NDUFS6: variants seen among roughly 807,000 people sequenced by gnomAD.
NDUFS6 encodes the protein NADH:ubiquinone oxidoreductase subunit S6, also known as NADH dehydrogenase [ubiquinone] iron-sulfur protein 6, mitochondrial.
Under a neutral mutation model 13.2 loss-of-function variants are expected in NDUFS6, and 14 were observed. The observed-to-expected ratio is 1.06, with a 90% CI of 0.70 to 1.66. The LOEUF (loss-of-function observed/expected upper bound fraction) is 1.66. Ranked by LOEUF, NDUFS6 falls within the 40% of genes most tolerant of loss-of-function variation. The pLI is 0.00. For synonymous variants in NDUFS6, 95 were observed against 72.3 expected, an observed-to-expected ratio of 1.31 and a Z score of -1.60; for missense variants, 206 against 170.8, an observed-to-expected ratio of 1.21 and a Z score of -1.15.
At chr5:1,805,319 G>A (rs376872747) in intron 2 of NDUFS6, among the ~76,000 whole-genome samples, 8 of 152,160 alleles carry the variant, frequency 5.3e-5, no homozygotes, top group African/African-American at 1.9e-4. Context: ...AACAGAGCAA[G>A]ACTCTATCTC....
Position 1,814,401 on chromosome 5 carries a change from G to A in NDUFS6, c.249G>A (p.Arg83=), listed in dbSNP as rs752239595. The A allele has an allele frequency of 5.6e-6, 9 of 1,614,056 alleles. No homozygotes were observed. Among genetic ancestry groups the A allele is most frequent in the Non-Finnish European group, 7.6e-6 (9 of 1,180,048 alleles). Residue 83 remains arginine, a synonymous_variant, in exon 3 of 4, where the codon CGG becomes CGA. Transcript: ENST00000274137. The surrounding 1 kb of genome is among the most constrained non-coding windows in gnomAD (Gnocchi z 4.9). The part of the protein sequence containing the change: ...AEQPVSEVET[R]VIACDGGGGA... Reference sequence around the variant, plus strand: ...AGCCCGTGAGCGAGGTGGAGACTCGGGTGATAGCGTGCGATGGCGGCGGGG... The same window carrying A: ...AGCCCGTGAGCGAGGTGGAGACTCGAGTGATAGCGTGCGATGGCGGCGGGG...
At chr5:1,802,918 T>TA in intron 2 of NDUFS6, among the ~76,000 whole-genome samples, 1 of 149,912 alleles carries the variant, frequency 6.7e-6, no homozygotes, top group South Asian at 2.1e-4. Context: ...ATCAGCCTAT[T>TA]TTTTTTTTTT....
chr5:1,801,682 C>T, intron 1 of NDUFS6, 133 bp downstream of exon 1: 1 of 1,358,792 alleles, frequency 7.4e-7, no homozygotes, highest in Non-Finnish European at 9.7e-7. Flanking sequence ...TGTGCTGTCG[C>T]TCACGCGCCG....
At chr5:1,803,454 T>C (rs1200418103) in intron 2 of NDUFS6, among the ~76,000 whole-genome samples, 2 of 152,164 alleles carry the variant, frequency 1.3e-5, no homozygotes, top group Non-Finnish European at 2.9e-5. Context: ...GAGAGGGGCT[T>C]GTGTCTGGTG....
rs2242412 is a variant in NDUFS6, at chr5:1,801,575, A to C, written c.132+26A>C. On this transcript the variant is annotated intron_variant, in intron 1 of 3. Transcript: ENST00000274137. ...GTAACGGCCGCTGGGTACAGGATGC[A>C]CCTTCCTCCAGCCGCACCTCGGGCG... The C allele has an allele frequency of 0.88, 1,371,877 of 1,556,270 alleles. 609,921 individuals are homozygous for C. The highest frequency in any genetic ancestry group is 0.91 in the Non-Finnish European group (1,051,700 of 1,158,090).
rs1734282254 is a variant in NDUFS6 at position 1,814,810 on chromosome 5, C to T, written c.309+349C>T. The T allele has an allele frequency of 3.1e-6, 2 of 651,034 alleles. No homozygotes were observed. The highest frequency in any genetic ancestry group is 5.5e-6 in the Non-Finnish European group (2 of 360,814). 40.3% of individuals were successfully genotyped at this position (651,034 alleles called of 1,614,324 possible). ...GGGTCGAAAACAACAAACACATTTC[C>T]CACAGCGCTGGAGGCTGCAGCCCAA... On this transcript the variant is annotated intron_variant, in intron 3 of 3. Transcript: ENST00000274137. The surrounding 1 kb of genome is among the most constrained non-coding windows in gnomAD (Gnocchi z 4.9).
chr5:1,802,157 CT>C (rs2111345961), intron 1 of NDUFS6, 163 bp from the exon 2 acceptor site: 1 of 634,256 alleles, frequency 1.6e-6, no homozygotes, highest in South Asian at 1.9e-5. Flanking sequence ...AGGTATCTCG[CT>C]AAAAATGCCC....
Position 1,801,473 on chromosome 5 carries a change from G to T in NDUFS6, c.56G>T (p.Arg19Leu). The T allele has an allele frequency of 6.2e-7, 1 of 1,603,798 alleles. No individual in the cohort carries two copies. The change falls in exon 1 of 4, where the codon CGG (arginine) becomes CTG (leucine). Residue 19 changes from arginine (R) to leucine (L), a missense_variant. Coordinates refer to ENST00000274137, the MANE Select transcript of NDUFS6 (RefSeq NM_004553.6). Reference sequence around the variant, plus strand: ...CTGAACCGGTGTGGCGAGGCGGCGCGGAGCCTGCCCCTGGGCGCCAGGTGT... The same window carrying T: ...CTGAACCGGTGTGGCGAGGCGGCGCTGAGCCTGCCCCTGGGCGCCAGGTGT... ...RLLNRCGEAA[R>L]SLPLGARCFG...
intron 2 of NDUFS6, among the ~76,000 whole-genome samples, chr5:1,808,029 CAGT>C (rs1309850937): frequency 1.3e-5 from 2 of 152,304 alleles, no homozygotes; most frequent in African/African-American, 2.4e-5. Context: ...CCCAGCCAGA[CAGT>C]GGTGGCTGAG....
chr5:1,808,332 A>G (rs1734160158), intron 2 of NDUFS6, among the ~76,000 whole-genome samples: 1 of 152,210 alleles, frequency 6.6e-6, no homozygotes, highest in African/African-American at 2.4e-5. Flanking sequence ...CTTCCCTCCC[A>G]AATACGCCAT....
intron 2 of NDUFS6, among the ~76,000 whole-genome samples, chr5:1,805,195 G>T (rs933210490): frequency 2.1e-4 from 32 of 152,282 alleles, no homozygotes; most frequent in Admixed American, 1.3e-4. Flanking sequence ...GCCTAGCATG[G>T]TGGCACATGC....
intron 2 of NDUFS6, among the ~76,000 whole-genome samples, chr5:1,812,356 G>A (rs902672328): frequency 9.9e-5 from 15 of 151,644 alleles, no homozygotes; most frequent in Middle Eastern, 3.4e-3. Flanking sequence ...GGAACTTTGG[G>A]GGAGCACATT....
At chr5:1,810,393 C>T (rs985733504) in intron 2 of NDUFS6, among the ~76,000 whole-genome samples, 2 of 152,172 alleles carry the variant, frequency 1.3e-5, no homozygotes, top group Non-Finnish European at 2.9e-5. Context: ...CGGCGCTCTA[C>T]TTCCCATAGC....
intron 2 of NDUFS6, among the ~76,000 whole-genome samples, chr5:1,810,015 C>T (rs1220662148): frequency 3.3e-5 from 5 of 152,242 alleles, no homozygotes; most frequent in African/African-American, 1.2e-4. Context: ...ACTGACAGAA[C>T]CTCTTGAAAA....
chr5:1,802,522 A>T (rs1734064476), intron 2 of NDUFS6, 148 bp downstream of exon 2: 5 of 632,322 alleles, frequency 7.9e-6, no homozygotes, highest in Non-Finnish European at 1.4e-5. Flanking sequence ...TTCCTTTCTT[A>T]AAATCTTAAT....
intron 3 of NDUFS6, among the ~76,000 whole-genome samples, chr5:1,815,437 G>C (rs1313684173): frequency 6.6e-6 from 1 of 152,258 alleles, no homozygotes; most frequent in African/African-American, 2.4e-5. Flanking sequence ...GTCCTGAAAA[G>C]GGGACAGTGT....
intron 2 of NDUFS6, among the ~76,000 whole-genome samples, chr5:1,806,822 A>C (rs1054092347): frequency 6.6e-6 from 1 of 152,150 alleles, no homozygotes; most frequent in Non-Finnish European, 1.5e-5. Flanking sequence ...TGCCCAAAAG[A>C]ACTGAAAGCG....
intron 2 of NDUFS6, among the ~76,000 whole-genome samples, chr5:1,804,901 T>C (rs1161046252): frequency 1.3e-5 from 2 of 152,222 alleles, no homozygotes; most frequent in African/African-American, 2.4e-5. Flanking sequence ...TAATGACATG[T>C]ATTCACTGTG....
At chr5:1,805,029 T>C (rs1208229075) in intron 2 of NDUFS6, among the ~76,000 whole-genome samples, 1 of 152,196 alleles carries the variant, frequency 6.6e-6, no homozygotes, top group Non-Finnish European at 1.5e-5. Flanking sequence ...TGTCAAGTAA[T>C]ACTTTAAGAA....
Sources: allele counts gnomAD v4.1 joint callset (sites outside exome capture counted in the v4.1 genomes callset), GRCh38; gene constraint gnomAD v4.1.1; non-coding constraint Gnocchi (gnomAD v3.1); transcripts MANE v1.5; gene names NCBI Gene and HGNC (gene_info 2026-07-23, HGNC 2026-07-21).